CDH12: variants seen among roughly 807,000 people sequenced by gnomAD.
CDH12 encodes the protein cadherin 12.
Under a neutral mutation model 74.1 loss-of-function variants are expected in CDH12, and 41 were observed. The observed-to-expected ratio is 0.55, with a 90% confidence interval of 0.43 to 0.72. The LOEUF is 0.72. Ranked by LOEUF, CDH12 falls within the 30% of genes least tolerant of loss-of-function variation. The pLI, the probability that CDH12 is intolerant of heterozygous loss-of-function variation, is 0.00. For missense variants in CDH12, 945 were observed against 977.2 expected, an observed-to-expected ratio of 0.97 and a Z score of 0.44; for synonymous variants, 399 against 355.0, an observed-to-expected ratio of 1.12 and a Z score of -1.39.
At chr5:22,101,718 G>C (rs1744149480) in intron 4 of CDH12, among the ~76,000 whole-genome samples, 1 of 152,162 alleles carries the variant, frequency 6.6e-6, no homozygotes. Flanking sequence ...TAAACTAAAA[G>C]AAGTAGAAAA....
chr5:22,430,003 G>T (rs915321448), intron 2 of CDH12, among the ~76,000 whole-genome samples: 22 of 152,130 alleles, frequency 1.4e-4, no homozygotes, highest in African/African-American at 5.3e-4. Context: ...TTATCCCAGG[G>T]TAATCTATTG....
intron 2 of CDH12, among the ~76,000 whole-genome samples, chr5:22,426,194 G>A (rs2551508): frequency 0.023 from 2,903 of 126,170 alleles, 2 homozygotes; most frequent in Non-Finnish European, 0.026. Context: ...TCAAAAAAAA[G>A]AAAAAAAAAA....
At chr5:22,656,736 T>C (rs1173493176) in intron 1 of CDH12, among the ~76,000 whole-genome samples, 2 of 152,222 alleles carry the variant, frequency 1.3e-5, no homozygotes, top group Non-Finnish European at 2.9e-5. Flanking sequence ...TATTAAAATG[T>C]CCATAAATGT....
chr5:22,562,430 C>T (rs1739097317), intron 1 of CDH12, among the ~76,000 whole-genome samples: 1 of 152,134 alleles, frequency 6.6e-6, no homozygotes, highest in Non-Finnish European at 1.5e-5. Flanking sequence ...CGTGGGCAAT[C>T]GCCACTTTCT....
chr5:22,602,952 T>A (rs886132140), intron 1 of CDH12, among the ~76,000 whole-genome samples: 1 of 152,212 alleles, frequency 6.6e-6, no homozygotes, highest in African/African-American at 2.4e-5. Flanking sequence ...GAGTCTTTCA[T>A]TGACATAATA....
At chr5:22,470,416 A>ATTTAT (rs1554043326) in intron 2 of CDH12, among the ~76,000 whole-genome samples, 28 of 146,406 alleles carry the variant, frequency 1.9e-4, no homozygotes, top group East Asian at 8.1e-4. Flanking sequence ...ATTTTATTTT[A>ATTTAT]TTTATTTTAT....
At chr5:22,058,695 A>C (rs1740932685) in intron 5 of CDH12, among the ~76,000 whole-genome samples, 2 of 149,710 alleles carry the variant, frequency 1.3e-5, no homozygotes, top group African/African-American at 4.9e-5. Context: ...GAAAGAAGAA[A>C]GAAAGAAGAA....
chr5:22,747,607 CAAAAAAA>C (rs34948688), intron 1 of CDH12, among the ~76,000 whole-genome samples: 3 of 110,924 alleles, frequency 2.7e-5, no homozygotes, highest in Admixed American at 2.1e-4. Flanking sequence ...GAGACGCTGC[CAAAAAAA>C]AAAAAAAAAA....
chr5:22,758,573 T>C (rs1268613563), intron 1 of CDH12, among the ~76,000 whole-genome samples: 1 of 152,128 alleles, frequency 6.6e-6, no homozygotes, highest in Non-Finnish European at 1.5e-5. Context: ...AAGTTGGTCT[T>C]ATCCCATTTT....
intron 1 of CDH12, among the ~76,000 whole-genome samples, chr5:22,635,623 A>G (rs1300212321): frequency 6.6e-6 from 1 of 152,216 alleles, no homozygotes; most frequent in African/African-American, 2.4e-5. Flanking sequence ...TAAATATACA[A>G]ATATTTTCCA....
intron 1 of CDH12, among the ~76,000 whole-genome samples, chr5:22,596,393 A>C (rs1736608917): frequency 1.3e-5 from 2 of 152,152 alleles, no homozygotes; most frequent in African/African-American, 4.8e-5. Flanking sequence ...GTGAGCCAAG[A>C]TGGCGCCACT....
chr5:22,450,336 T>A lies in CDH12; in HGVS notation c.-427-44985A>T, dbSNP rs1163265286. On this transcript the variant is annotated intron_variant, in intron 2 of 14. Coordinates refer to ENST00000382254, the MANE Select transcript of CDH12 (RefSeq NM_004061.5). ...AATAAACACCTACAAGCTAAAAAAA[T>A]TGCCATGATCAAAAGAGAAATATGG... Among the ~76,000 whole-genome samples the A allele has an allele frequency of 4.6e-5, 7 of 151,968 alleles. No homozygotes were observed. The East Asian group carries it at 1.4e-3, about 29-fold the overall frequency.
At chr5:22,668,765 G>GAAA (rs1740750463) in intron 1 of CDH12, among the ~76,000 whole-genome samples, 1 of 152,060 alleles carries the variant, frequency 6.6e-6, no homozygotes, top group Admixed American at 6.6e-5. Context: ...GCTTTGAAAG[G>GAAA]GACATTCAAA....
At chr5:22,196,854 A>G (rs1478243188) in intron 4 of CDH12, among the ~76,000 whole-genome samples, 2 of 152,108 alleles carry the variant, frequency 1.3e-5, no homozygotes, top group Admixed American at 1.3e-4. Context: ...CATGCGATAG[A>G]TCTTGCTTCT....
chr5:21,833,993 A>G (rs1431828896), intron 8 of CDH12, among the ~76,000 whole-genome samples: 1 of 151,944 alleles, frequency 6.6e-6, no homozygotes, highest in Non-Finnish European at 1.5e-5. Flanking sequence ...TGTTTATTCT[A>G]CTTAGAAAAA....
intron 4 of CDH12, among the ~76,000 whole-genome samples, chr5:22,206,936 C>T (rs561976019): frequency 7.3e-5 from 11 of 150,016 alleles, no homozygotes; most frequent in Non-Finnish European, 1.5e-4. Flanking sequence ...TACCACGGTC[C>T]GGCGTATTGG....
intron 1 of CDH12, among the ~76,000 whole-genome samples, chr5:22,721,536 C>T (rs917834428): frequency 3.3e-5 from 5 of 152,090 alleles, no homozygotes; most frequent in African/African-American, 9.7e-5. Flanking sequence ...TCAGGTGAGA[C>T]TTTGGACTAT....
intron 2 of CDH12, among the ~76,000 whole-genome samples, chr5:22,425,963 C>T (rs979288094): frequency 8.6e-5 from 13 of 151,632 alleles, no homozygotes; most frequent in Non-Finnish European, 1.6e-4. Context: ...CTGAGGTGAG[C>T]GGATCACAAG....
At chr5:22,202,832 G>A (rs1468696534) in intron 4 of CDH12, among the ~76,000 whole-genome samples, 5 of 152,162 alleles carry the variant, frequency 3.3e-5, no homozygotes, top group South Asian at 2.1e-4. Context: ...AGCTCTACAC[G>A]TGAACTTTCA....
Sources: gnomAD v4.1 joint callset for allele counts (sites outside exome capture counted in the v4.1 genomes callset) on GRCh38, gnomAD v4.1.1 for gene constraint, MANE v1.5 for transcripts, NCBI Gene and HGNC (gene_info 2026-07-23, HGNC 2026-07-21) for gene names.